The following ERFE variants were observed in gnomAD, a reference collection of about 807,000 sequenced individuals.
ERFE encodes complement C1q tumor necrosis factor-related protein 15.
ERFE carries 25 observed loss-of-function variants against 26.6 expected under a neutral mutation model. The observed-to-expected ratio is 0.94, with a 90% confidence interval of 0.69 to 1.31. The LOEUF is 1.31. ERFE is among the 40% of genes most tolerant of loss of function. ERFE has a pLI of 0.00. For synonymous variants in ERFE, 206 were observed against 204.5 expected, an observed-to-expected ratio of 1.01 and a Z score of -0.06; for missense variants, 447 against 440.2, an observed-to-expected ratio of 1.02 and a Z score of -0.14.
chr2:238,163,585 C>T, intron 3 of ERFE, 152 bp from the exon 4 acceptor site: 1 of 959,904 alleles, frequency 1.0e-6, no homozygotes, highest in Non-Finnish European at 1.3e-6. Context: ...GCAAAGACTC[C>T]GAGGCCCTTC....
chr2:238,162,466 G>T (rs1035530121), intron 2 of ERFE, among the ~76,000 whole-genome samples: 1 of 152,258 alleles, frequency 6.6e-6, no homozygotes, highest in Non-Finnish European at 1.5e-5. Context: ...CCTCCACGAG[G>T]CCTGGCCGCA....
chr2:238,164,260 TC>T lies in ERFE; in HGVS notation c.797-5del. On this transcript the variant is annotated splice_polypyrimidine_tract_variant and intron_variant, in intron 5 of 7. Coordinates refer to ENST00000546354, the MANE Select transcript of ERFE (RefSeq NM_001291832.2). ...CCGCCCGCTTGACCACGTCCCACCC[TC>T]CCCCGCAGCGCTCGGGGAGCCGCCG... The T allele has an allele frequency of 7.1e-7, 1 of 1,418,190 alleles. No individual in the cohort carries two copies. Among genetic ancestry groups the T allele is most frequent in the Non-Finnish European group, 9.2e-7 (1 of 1,081,164 alleles). 87.9% of individuals were successfully genotyped at this position (1,418,190 alleles called of 1,614,324 possible).
At chr2:238,160,737 A>T (rs1055032549) in intron 1 of ERFE, among the ~76,000 whole-genome samples, 2 of 152,146 alleles carry the variant, frequency 1.3e-5, no homozygotes, top group Non-Finnish European at 2.9e-5. Context: ...TGTCTCTGAT[A>T]AAAGGGCCCA....
chr2:238,162,908 G>A (rs1692962081), intron 3 of ERFE, 70 bp downstream of exon 3: 6 of 1,259,500 alleles, frequency 4.8e-6, no homozygotes, highest in Middle Eastern at 2.0e-4. Context: ...GTCCCGAGGA[G>A]CTGACAGGGC....
rs117194634 is a variant in ERFE, at chr2:238,163,865, G to A, written c.553G>A (p.Val185Met). The A allele has an allele frequency of 0.015, 19,719 of 1,316,752 alleles. 240 individuals carry two copies. Among genetic ancestry groups the A allele is most frequent in the South Asian group, 0.056 (2,524 of 45,316 alleles). The allele number at this position is 1,316,752 out of a possible 1,614,324, so 81.6% of individuals were successfully genotyped here. ...GGACGACGACGACGTGGTGGGGGAC[G>A]TGCTGGCACTGCTGGCCGCGCCCCT... is the stretch of plus-strand genomic sequence containing the variant. ...GEDDDDVVGD[V>M]LALLAAPLAP... Residue 185 changes from valine (V) to methionine (M), a missense_variant, in exon 4 of 8, where the codon GTG becomes ATG. Physicochemically the swap from Val to Met is conservative, Grantham distance 21 (BLOSUM62 1). Coordinates refer to ENST00000546354, the MANE Select transcript of ERFE (RefSeq NM_001291832.2).
Position 238,164,303 on chromosome 2 carries a change from G to GC in ERFE, c.835dup (p.Arg279ProfsTer31). ...GAGCCGCCGAGGAGGGGGCCGCCGC[G>GC]CCCCCGGGACCACCTGCGCCTGCTC... On this transcript the variant is annotated frameshift_variant, in exon 6 of 8. Transcript: ENST00000546354. LOFTEE classifies it high-confidence loss of function. 2 of 1,517,636 alleles carry GC rather than the reference G, an allele frequency of 1.3e-6. No homozygotes were observed. The highest frequency in any genetic ancestry group is 1.2e-5 in the South Asian group (1 of 82,632). 94.0% of individuals were successfully genotyped at this position (1,517,636 alleles called of 1,614,324 possible).
At chr2:238,164,958 A>C (rs1693011930) in intron 6 of ERFE, among the ~76,000 whole-genome samples, 1 of 150,374 alleles carries the variant, frequency 6.7e-6, no homozygotes, top group Non-Finnish European at 1.5e-5. Context: ...TAGCCTCCCA[A>C]CTCCTTCCCA....
intron 6 of ERFE, 89 bp from the exon 7 acceptor site, chr2:238,165,517 T>C: frequency 1.8e-6 from 2 of 1,090,530 alleles, no homozygotes; most frequent in Admixed American, 4.0e-5. Context: ...TTGCTGGGCA[T>C]GTGTTGGCTG....
At chr2:238,164,391 C>G in intron 6 of ERFE, 31 bp downstream of exon 6, 1 of 1,536,404 alleles carries the variant, frequency 6.5e-7, no homozygotes, top group African/African-American at 1.4e-5. Context: ...ACCCCACACC[C>G]GCATTCGCTC....
intron 1 of ERFE, among the ~76,000 whole-genome samples, chr2:238,159,800 G>T (rs1692911005): frequency 6.6e-6 from 1 of 152,200 alleles, no homozygotes; most frequent in Non-Finnish European, 1.5e-5. Flanking sequence ...TGTGGCCCAG[G>T]CCTGAGGAGG....
chr2:238,162,142 C>T (rs914953206), intron 2 of ERFE, among the ~76,000 whole-genome samples: 4 of 152,210 alleles, frequency 2.6e-5, no homozygotes, highest in African/African-American at 9.6e-5. Context: ...CTGCTTGGAG[C>T]CCCCAAAATG....
At chr2:238,162,473 C>T (rs1362749882) in intron 2 of ERFE, among the ~76,000 whole-genome samples, 5 of 152,256 alleles carry the variant, frequency 3.3e-5, no homozygotes, top group Admixed American at 1.3e-4. Context: ...GAGGCCTGGC[C>T]GCAGGAGCGG....
Position 238,164,264 on chromosome 2 carries a change from C to T in ERFE, c.797-6C>T, listed in dbSNP as rs1204187580. ...CCGCTTGACCACGTCCCACCCTCCCCCGCAGCGCTCGGGGAGCCGCCGAGG... is the reference window on the plus strand; with the variant it reads ...CCGCTTGACCACGTCCCACCCTCCCTCGCAGCGCTCGGGGAGCCGCCGAGG... On this transcript the variant is annotated splice_region_variant and splice_polypyrimidine_tract_variant and intron_variant, in intron 5 of 7. Coordinates refer to ENST00000546354, the MANE Select transcript of ERFE (RefSeq NM_001291832.2). 4.0e-6 allele frequency: 6 copies of T among 1,502,692 alleles called. No individual in the cohort carries two copies. The highest frequency in any genetic ancestry group is 1.4e-5 in the African/African-American group (1 of 69,420). The allele number at this position is 1,502,692 out of a possible 1,614,324, so 93.1% of individuals were successfully genotyped here. A position where few individuals can be genotyped will look rare whatever the true frequency, so the allele number is the denominator to read the frequency against.
intron 7 of ERFE, among the ~76,000 whole-genome samples, chr2:238,166,689 C>G (rs753986134): frequency 8.5e-5 from 13 of 152,250 alleles, no homozygotes; most frequent in African/African-American, 3.1e-4. Flanking sequence ...CTGTTGGACT[C>G]TTGAATCCCA....
At chr2:238,163,001 C>T (rs968658050) in intron 3 of ERFE, among the ~76,000 whole-genome samples, 163 bp downstream of exon 3, 4 of 152,270 alleles carry the variant, frequency 2.6e-5, no homozygotes, top group Admixed American at 1.3e-4. Flanking sequence ...CAGGTCCAGT[C>T]TCTGCCCCAT....
chr2:238,159,225 TC>T lies in ERFE; in HGVS notation c.198+22del. 1 of 206,368 alleles carries T rather than the reference TC, an allele frequency of 4.8e-6. No individual in the cohort carries two copies. 12.8% of individuals were successfully genotyped at this position (206,368 alleles called of 1,614,324 possible). ...CCGCCGGTAAGACGCCCGGGCCCGC[TC>T]CAGACCCAGCCCGCGCCCGCACGCC... On this transcript the variant is annotated intron_variant, in intron 1 of 7. Coordinates refer to ENST00000546354, the MANE Select transcript of ERFE (RefSeq NM_001291832.2).
chr2:238,167,062 C>T lies in ERFE; in HGVS notation c.*8C>T, dbSNP rs1693048591. On this transcript the variant is annotated 3_prime_UTR_variant, in exon 8 of 8. Transcript: ENST00000546354. ...GTCCTCCTGGGCGTGTGAGCGGCCA[C>T]CACAGGCCCTTCCTCTCAGGGGCAA... is the stretch of plus-strand genomic sequence containing the variant. 6.5e-7 allele frequency: 1 copy of T among 1,549,452 alleles called. No homozygotes were observed. The highest frequency in any genetic ancestry group is 8.7e-7 in the Non-Finnish European group (1 of 1,146,350).
rs2106318510 is a variant in ERFE at position 238,159,187 on chromosome 2, G to A, written c.180G>A (p.Gly60=). The A allele has an allele frequency of 4.7e-6, 1 of 211,016 alleles. No homozygotes were observed. The highest frequency in any genetic ancestry group is 1.1e-4 in the East Asian group (1 of 8,900). 13.1% of individuals were successfully genotyped at this position (211,016 alleles called of 1,614,324 possible). ...LPRGPGESRA[G]PAARPPEPTA... is the part of the protein sequence containing the mutation. ...GGGGCCCCGGGGAGAGCCGCGCGGG[G>A]CCGGCCGCTCGTCCGCCGGTAAGAC... Residue 60 remains glycine, a synonymous_variant, in exon 1 of 8, where the codon GGG becomes GGA. Transcript: ENST00000546354.
At position 238,164,357 on chromosome 2, in the gene ERFE, A is replaced by C; in HGVS notation, c.884A>C (p.Asn295Thr). The change falls in exon 6 of 8, where the codon AAC becomes ACC. Residue 295 changes from asparagine to threonine, a missense_variant. Transcript: ENST00000546354. ...TGCATCCAGTCCCGGTGCCAGCGCAACGCGTGAGTGTACCCCGGCCCGGAC... is the reference window on the plus strand; with the variant it reads ...TGCATCCAGTCCCGGTGCCAGCGCACCGCGTGAGTGTACCCCGGCCCGGAC... The part of the protein sequence containing the change: ...LICIQSRCQR[N>T]ASLEAIMGLE... 6.5e-7 allele frequency: 1 copy of C among 1,542,778 alleles called. No individual in the cohort carries two copies. The highest frequency in any genetic ancestry group is 8.7e-7 in the Non-Finnish European group (1 of 1,145,622).
Sources: gnomAD v4.1 joint callset for allele counts (sites outside exome capture counted in the v4.1 genomes callset) on GRCh38, gnomAD v4.1.1 for gene constraint, MANE v1.5 for transcripts, NCBI Gene and HGNC (gene_info 2026-07-23, HGNC 2026-07-21) for gene names.